Variants in HIVEP3 observed in about 807,000 individuals in gnomAD.
The protein encoded by HIVEP3 is HIVEP zinc finger 3.
A neutral mutation model predicts 152.8 loss-of-function variants in HIVEP3; 49 were observed. That is an observed-to-expected ratio of 0.32 (90% CI 0.26 to 0.41). The LOEUF (loss-of-function observed/expected upper bound fraction) is 0.41. Ranked by LOEUF, HIVEP3 falls within the 10% of genes least tolerant of loss-of-function variation. The probability of loss-of-function intolerance (pLI) is 1.00; values close to 1 mark genes in which losing one functional copy is unlikely to be tolerated. For missense variants in HIVEP3, 2,790 were observed against 3,103.3 expected (o/e 0.90, Z 2.40); for synonymous variants, 1,269 against 1,289.0 (o/e 0.98, Z 0.33).
chr1:41,812,511 C>G (rs930025245), intron 1 of HIVEP3, among the ~76,000 whole-genome samples: 2 of 152,032 alleles, frequency 1.3e-5, no homozygotes, highest in Non-Finnish European at 2.9e-5. Context: ...GAGGATAAAG[C>G]CCACTGAGGA....
rs563105493 is a variant in HIVEP3 at position 41,584,357 on chromosome 1, G to A, written c.441C>T (p.Ser147=). 24 of 1,613,826 alleles carry A rather than the reference G, an allele frequency of 1.5e-5. No individual in the cohort carries two copies. The South Asian group carries it at 2.3e-4, about 16-fold the overall frequency. The change falls in exon 4 of 9, where the codon TCC becomes TCT. Residue 147 remains serine, a synonymous_variant. Coordinates refer to ENST00000372583, the MANE Select transcript of HIVEP3 (RefSeq NM_024503.5). The surrounding 1 kb of genome is among the most constrained non-coding windows in gnomAD (Gnocchi z 5.2). ...GLHPQSQLLP[S]HASIIPPEDL... Reference sequence around the variant, plus strand: ...CCTCGGGGGGAATGATGGAAGCGTGGGAAGGAAGGAGCTGGCTCTGAGGAT... The same window carrying A: ...CCTCGGGGGGAATGATGGAAGCGTGAGAAGGAAGGAGCTGGCTCTGAGGAT...
At chr1:41,773,302 T>C (rs1477754913) in intron 1 of HIVEP3, among the ~76,000 whole-genome samples, 8 of 152,174 alleles carry the variant, frequency 5.3e-5, no homozygotes, top group Non-Finnish European at 5.9e-5. Context: ...TGATTCGCAG[T>C]TCAATATTCT....
At chr1:41,518,991 T>C (rs1642687000) in intron 6 of HIVEP3, among the ~76,000 whole-genome samples, 2 of 151,988 alleles carry the variant, frequency 1.3e-5, no homozygotes, top group Non-Finnish European at 2.9e-5. Context: ...CTAGGGCAGC[T>C]CACAGGGCAG....
intron 1 of HIVEP3, among the ~76,000 whole-genome samples, chr1:41,813,941 G>T (rs1335740473): frequency 2.0e-5 from 3 of 152,136 alleles, no homozygotes; most frequent in African/African-American, 7.2e-5. Flanking sequence ...CAGATGTCTA[G>T]GGCTCTGATG....
chr1:41,960,216 G>C (rs2124496989), intron 1 of HIVEP3, among the ~76,000 whole-genome samples: 2 of 152,312 alleles, frequency 1.3e-5, no homozygotes, highest in East Asian at 3.9e-4. Flanking sequence ...TAGCAGACAA[G>C]GAAGATGATG....
At chr1:42,017,316 T>G (rs1645528984) in intron 1 of HIVEP3, among the ~76,000 whole-genome samples, 1 of 152,142 alleles carries the variant, frequency 6.6e-6, no homozygotes, top group Non-Finnish European at 1.5e-5. Flanking sequence ...AATAAAAAAT[T>G]TAATGAAGTA....
chr1:41,974,231 A>C (rs1645246964), intron 1 of HIVEP3, among the ~76,000 whole-genome samples: 1 of 151,846 alleles, frequency 6.6e-6, no homozygotes, highest in Non-Finnish European at 1.5e-5. Context: ...TAATAACAGG[A>C]ATTTAGACCT....
chr1:41,808,528 C>CA, intron 1 of HIVEP3, among the ~76,000 whole-genome samples: 1 of 152,242 alleles, frequency 6.6e-6, no homozygotes, highest in Middle Eastern at 3.4e-3. Flanking sequence ...CAGGCAGATG[C>CA]AAAAAGGTGT....
intron 1 of HIVEP3, among the ~76,000 whole-genome samples, chr1:41,996,577 C>G (rs1468603385): frequency 6.6e-6 from 1 of 152,084 alleles, no homozygotes; most frequent in Non-Finnish European, 1.5e-5. Context: ...AGTATGGTAG[C>G]TGGATTCCAA....
chr1:41,804,151 A>C (rs184466739), intron 1 of HIVEP3, among the ~76,000 whole-genome samples: 1 of 152,324 alleles, frequency 6.6e-6, no homozygotes, highest in African/African-American at 2.4e-5. Flanking sequence ...AACAGCTCCT[A>C]CTTACTCTGT....
intron 2 of HIVEP3, among the ~76,000 whole-genome samples, chr1:41,638,390 AAAG>A (rs1465957940): frequency 1.9e-5 from 2 of 105,242 alleles, no homozygotes; most frequent in Non-Finnish European, 4.2e-5. Context: ...AGAGAGAAAG[AAAG>A]AAAAGAAAGA....
rs542873744 is a variant in HIVEP3 at position 41,959,941 on chromosome 1, A to T, written n.120-41417T>A. 2.0e-5 allele frequency among the ~76,000 whole-genome samples: 3 copies of T among 152,190 alleles called. No homozygotes were observed. In the East Asian group the frequency reaches 5.8e-4, roughly 29 times the overall value. ...GGGTATGACCATGATCAATATGAGG[A>T]AGTAGAGAGACTGCTACCTAATGGG... On this transcript the variant is annotated intron_variant and non_coding_transcript_variant, in intron 1 of 3. Coordinates refer to the HIVEP3 transcript ENST00000489103.
chr1:41,623,224 G>A (rs962847257), intron 3 of HIVEP3, among the ~76,000 whole-genome samples: 2 of 152,206 alleles, frequency 1.3e-5, no homozygotes, highest in Non-Finnish European at 2.9e-5. Context: ...AGGCAGCAGT[G>A]TGGCTATTTT....
intron 1 of HIVEP3, among the ~76,000 whole-genome samples, chr1:41,978,730 G>A (rs1187844835): frequency 6.6e-6 from 1 of 152,176 alleles, no homozygotes; most frequent in Admixed American, 6.5e-5. Flanking sequence ...TAAGAATACA[G>A]CAATAAACAA....
intron 1 of HIVEP3, among the ~76,000 whole-genome samples, chr1:41,817,267 T>C (rs1642435795): frequency 6.6e-6 from 1 of 152,166 alleles, no homozygotes; most frequent in African/African-American, 2.4e-5. Context: ...TAAAAGTAGC[T>C]AGGTCAGGAC....
Position 41,509,815 on chromosome 1 carries a change from T to C in HIVEP3, c.*636A>G, listed in dbSNP as rs1179328370. 1 of 141,674 alleles carries C rather than the reference T, an allele frequency of 7.1e-6. No individual in the cohort carries two copies. Among genetic ancestry groups the C allele is most frequent in the East Asian group, 2.2e-4 (1 of 4,466 alleles). 8.8% of individuals were successfully genotyped at this position (141,674 alleles called of 1,614,324 possible). A position where few individuals can be genotyped will look rare whatever the true frequency, so the allele number is the denominator to read the frequency against. Reference sequence around the variant, plus strand: ...AATCCTAGGAAAAGTATCATTTTATTTTCTTGCAAAAAAAAAAAAAAAAAA... The same window carrying C: ...AATCCTAGGAAAAGTATCATTTTATCTTCTTGCAAAAAAAAAAAAAAAAAA... On this transcript the variant is annotated 3_prime_UTR_variant, in exon 9 of 9. Coordinates refer to ENST00000372583, the MANE Select transcript of HIVEP3 (RefSeq NM_024503.5).
chr1:41,593,542 C>T (rs1179584545), intron 3 of HIVEP3, among the ~76,000 whole-genome samples: 2 of 152,164 alleles, frequency 1.3e-5, no homozygotes, highest in African/African-American at 4.8e-5. Flanking sequence ...AGGGAGAATA[C>T]TTGATTAAAG....
intron 5 of HIVEP3, among the ~76,000 whole-genome samples, chr1:41,544,817 C>CACCACCA (rs1643652660): frequency 8.5e-6 from 1 of 117,824 alleles, no homozygotes; most frequent in African/African-American, 3.3e-5. Flanking sequence ...CCACTACCAC[C>CACCACCA]TCTACCACCA....
chr1:41,598,805 T>TGTTA (rs1289077707), intron 3 of HIVEP3, among the ~76,000 whole-genome samples: 14 of 65,984 alleles, frequency 2.1e-4, no homozygotes, highest in South Asian at 7.6e-4. Context: ...AGTCACATGA[T>TGTTA]GTTATTTATT....
Sources: gnomAD v4.1 joint callset for allele counts (sites outside exome capture counted in the v4.1 genomes callset) on GRCh38, gnomAD v4.1.1 for gene constraint, Gnocchi (gnomAD v3.1) non-coding constraint, MANE v1.5 for transcripts, NCBI Gene and HGNC (gene_info 2026-07-23, HGNC 2026-07-21) for gene names.